CNOT4: variants seen among roughly 807,000 people sequenced by gnomAD.
CNOT4 encodes CCR4-NOT transcription complex subunit 4.
A neutral mutation model predicts 73.8 loss-of-function variants in CNOT4; 8 were observed. The ratio of observed to expected loss-of-function variants is 0.11; its 90% CI spans 0.06 to 0.20. The LOEUF is 0.20. CNOT4 is among the 10% of genes least tolerant of loss of function. The pLI is 1.00. For synonymous variants in CNOT4, 293 were observed against 321.1 expected (o/e 0.91, Z 0.94); for missense variants, 564 against 883.4 (o/e 0.64, Z 4.58).
At chr7:135,491,642 G>A (rs1448321104) in intron 1 of CNOT4, among the ~76,000 whole-genome samples, 2 of 152,118 alleles carry the variant, frequency 1.3e-5, no homozygotes, top group Non-Finnish European at 2.9e-5. Flanking sequence ...AAAGAAATTA[G>A]GACAAGTGCA....
intron 1 of CNOT4, among the ~76,000 whole-genome samples, chr7:135,473,841 C>A (rs1345126585): frequency 6.6e-6 from 1 of 152,124 alleles, no homozygotes; most frequent in Non-Finnish European, 1.5e-5. Flanking sequence ...AAAGTAGATT[C>A]TAGAAGGACA....
At chr7:135,440,423 C>A (rs926806587) in intron 1 of CNOT4, among the ~76,000 whole-genome samples, 3 of 151,376 alleles carry the variant, frequency 2.0e-5, no homozygotes, top group Admixed American at 6.6e-5. Flanking sequence ...GCGCCTCTTT[C>A]AAAAGAGGAA....
At chr7:135,445,067 T>G in intron 1 of CNOT4, 1 of 751,782 alleles carries the variant, frequency 1.3e-6, no homozygotes, top group Non-Finnish European at 2.3e-6. Context: ...ATCACAAGGT[T>G]ATTTTCAGAA....
intron 10 of CNOT4, among the ~76,000 whole-genome samples, chr7:135,389,686 T>G (rs1416869224): frequency 6.6e-6 from 1 of 151,820 alleles, no homozygotes; most frequent in Non-Finnish European, 1.5e-5. Flanking sequence ...AACAAAAACA[T>G]GAAAAAAAAA....
At chr7:135,457,856 T>C (rs1403218762) in intron 1 of CNOT4, among the ~76,000 whole-genome samples, 1 of 152,142 alleles carries the variant, frequency 6.6e-6, no homozygotes, top group Non-Finnish European at 1.5e-5. Flanking sequence ...GTGTGTTTTG[T>C]AAAGGATCTT....
chr7:135,446,206 G>C (rs1412953465), intron 1 of CNOT4, among the ~76,000 whole-genome samples: 4 of 152,112 alleles, frequency 2.6e-5, no homozygotes, highest in Non-Finnish European at 5.9e-5. Context: ...GAGGTATCTA[G>C]AATAGACAAA....
intron 2 of CNOT4, among the ~76,000 whole-genome samples, chr7:135,430,222 C>A (rs898363188): frequency 1.3e-5 from 2 of 152,082 alleles, no homozygotes; most frequent in Non-Finnish European, 2.9e-5. Flanking sequence ...TATAAAACTA[C>A]AAAGAAATAC....
At position 135,475,744 on chromosome 7, in the gene CNOT4, T is replaced by TAC. The variant is rs931303737; in HGVS notation, c.-93+34143_-93+34144dup. 5.1e-4 allele frequency among the ~76,000 whole-genome samples: 77 copies of TAC among 152,072 alleles called. 1 individual carries two copies. Among genetic ancestry groups the TAC allele is most frequent in the African/African-American group, 1.6e-3 (68 of 41,490 alleles). On this transcript the variant is annotated intron_variant, in intron 1 of 11. Transcript: ENST00000541284. ...GGCCAACATGGCAAGACCCTGCCATTACACACACACAAAAAAATCAGCCAC... is the reference window on the plus strand; with the variant it reads ...GGCCAACATGGCAAGACCCTGCCATTACACACACACACAAAAAAATCAGCCAC...
At chr7:135,424,357 A>T (rs1392828056) in intron 2 of CNOT4, among the ~76,000 whole-genome samples, 1 of 152,218 alleles carries the variant, frequency 6.6e-6, no homozygotes, top group African/African-American at 2.4e-5. Flanking sequence ...ATGTAAAAAG[A>T]TATAAAAGTG....
At chr7:135,462,341 A>T (rs1374945912) in intron 1 of CNOT4, among the ~76,000 whole-genome samples, 1 of 152,094 alleles carries the variant, frequency 6.6e-6, no homozygotes, top group Non-Finnish European at 1.5e-5. Context: ...TAATTAACCT[A>T]CCAGTTCTGT....
At chr7:135,428,255 A>G (rs141318423) in intron 2 of CNOT4, among the ~76,000 whole-genome samples, 192 of 152,300 alleles carry the variant, frequency 1.3e-3, no homozygotes, top group African/African-American at 4.3e-3. Context: ...GCCTCTCTAG[A>G]GAGGAGCAAA....
At chr7:135,464,069 G>A (rs1470328510) in intron 1 of CNOT4, among the ~76,000 whole-genome samples, 1 of 147,990 alleles carries the variant, frequency 6.8e-6, no homozygotes, top group East Asian at 2.0e-4. Context: ...CGAAGAAAAG[G>A]GAACACTTAT....
intron 6 of CNOT4, among the ~76,000 whole-genome samples, chr7:135,411,013 T>C (rs1390914161): frequency 6.6e-6 from 1 of 151,954 alleles, no homozygotes; most frequent in African/African-American, 2.4e-5. Flanking sequence ...AAGTCTTTCA[T>C]GTAAGAATTA....
chr7:135,505,255 T>C (rs1333661078), intron 1 of CNOT4, among the ~76,000 whole-genome samples: 5 of 152,050 alleles, frequency 3.3e-5, no homozygotes, highest in South Asian at 2.1e-4. Context: ...AGTTTAATAA[T>C]AAAGAAGCCG....
At chr7:135,407,671 T>C (rs951410910) in intron 7 of CNOT4, among the ~76,000 whole-genome samples, 1 of 136,324 alleles carries the variant, frequency 7.3e-6, no homozygotes, top group Non-Finnish European at 1.6e-5. Context: ...GCTATGCTAA[T>C]GGTTGGGAGG....
At chr7:135,441,375 T>C (rs1331455435) in intron 1 of CNOT4, among the ~76,000 whole-genome samples, 5 of 151,898 alleles carry the variant, frequency 3.3e-5, no homozygotes, top group Non-Finnish European at 7.4e-5. Context: ...TAGTGTCTTC[T>C]TGTGAATCTA....
At chr7:135,480,503 G>T (rs1305119690) in intron 1 of CNOT4, among the ~76,000 whole-genome samples, 1 of 152,092 alleles carries the variant, frequency 6.6e-6, no homozygotes, top group African/African-American at 2.4e-5. Flanking sequence ...CTTCAAACCA[G>T]TGCCTACCAA....
rs143768767 is a variant in CNOT4 at position 135,458,762 on chromosome 7, T to C, written c.-92-20339A>G. 1.4e-3 allele frequency among the ~76,000 whole-genome samples: 213 copies of C among 152,212 alleles called. 1 individual carries two copies. Among genetic ancestry groups the C allele is most frequent in the African/African-American group, 5.0e-3 (206 of 41,564 alleles). On this transcript the variant is annotated intron_variant, in intron 1 of 11. Transcript: ENST00000541284. The stretch of plus-strand genomic sequence containing the variant: ...ATGAGATTGCAGCAATTCAGTCACA[T>C]CTTCAGGCTGTACTTCTAATTCTAG...
chr7:135,462,988 T>C (rs1225630813), intron 1 of CNOT4, among the ~76,000 whole-genome samples: 3 of 152,234 alleles, frequency 2.0e-5, no homozygotes, highest in African/African-American at 7.2e-5. Flanking sequence ...TTAGGCAATC[T>C]TTTCCCCACT....
Sources: gnomAD v4.1 joint callset for allele counts (sites outside exome capture counted in the v4.1 genomes callset) on GRCh38, gnomAD v4.1.1 for gene constraint, MANE v1.5 for transcripts, NCBI Gene and HGNC (gene_info 2026-07-23, HGNC 2026-07-21) for gene names.